Variants in AFF3 observed in about 807,000 individuals in gnomAD.
The protein encoded by AFF3 is ALF transcription elongation factor 3, also known as AF4/FMR2 family member 3.
In AFF3, 32 loss-of-function variants were observed where a neutral mutation model predicts 129.7. The ratio of observed to expected loss-of-function variants is 0.25; its 90% CI spans 0.19 to 0.33. AFF3 has a LOEUF of 0.33. AFF3 is among the 10% of genes least tolerant of loss of function. The pLI is 1.00. For synonymous variants in AFF3, 644 were observed against 635.4 expected, an observed-to-expected ratio of 1.01 and a Z score of -0.20; for missense variants, 1,373 against 1,592.0, an observed-to-expected ratio of 0.86 and a Z score of 2.34.
At chr2:99,986,261 T>C (rs944795802) in intron 7 of AFF3, among the ~76,000 whole-genome samples, 1 of 148,664 alleles carries the variant, frequency 6.7e-6, no homozygotes, top group Admixed American at 6.8e-5. Flanking sequence ...ATGTAGGACA[T>C]GCACTGTGTT....
At chr2:99,632,579 C>T (rs1304376857) in intron 13 of AFF3, among the ~76,000 whole-genome samples, 1 of 152,074 alleles carries the variant, frequency 6.6e-6, no homozygotes, top group African/African-American at 2.4e-5. Flanking sequence ...AAGACCAGAG[C>T]GCCAGGCTTC....
chr2:99,980,323 A>T (rs1281254061), intron 7 of AFF3, among the ~76,000 whole-genome samples: 1 of 152,230 alleles, frequency 6.6e-6, no homozygotes, highest in Non-Finnish European at 1.5e-5. Context: ...GGTGTCAAGG[A>T]GTCCATGTTT....
At chr2:99,936,929 G>A (rs1674574785) in intron 7 of AFF3, among the ~76,000 whole-genome samples, 1 of 152,122 alleles carries the variant, frequency 6.6e-6, no homozygotes, top group Non-Finnish European at 1.5e-5. Context: ...CAGCCTCTCA[G>A]GTCTAATCCC....
intron 8 of AFF3, among the ~76,000 whole-genome samples, chr2:99,799,083 T>C (rs189438909): frequency 6.6e-6 from 1 of 152,118 alleles, no homozygotes; most frequent in East Asian, 1.9e-4. Flanking sequence ...AACTAGTAAA[T>C]ATAACCTGAA....
At chr2:99,701,129 T>C (rs1318488525) in intron 11 of AFF3, among the ~76,000 whole-genome samples, 1 of 152,094 alleles carries the variant, frequency 6.6e-6, no homozygotes, top group Non-Finnish European at 1.5e-5. Flanking sequence ...CTGGGTTAGA[T>C]GGCAAAGTGA....
chr2:99,712,982 A>G (rs1678032677), intron 11 of AFF3, among the ~76,000 whole-genome samples: 1 of 152,236 alleles, frequency 6.6e-6, no homozygotes, highest in South Asian at 2.1e-4. Flanking sequence ...AATAAGCCAG[A>G]CACGCAAGGA....
At chr2:99,936,946 G>A (rs909402440) in intron 7 of AFF3, among the ~76,000 whole-genome samples, 7 of 152,152 alleles carry the variant, frequency 4.6e-5, no homozygotes, top group African/African-American at 1.7e-4. Context: ...TCCCAAGACA[G>A]CTATGGTTTT....
At chr2:99,652,277 C>T (rs1384751220) in intron 12 of AFF3, among the ~76,000 whole-genome samples, 1 of 152,190 alleles carries the variant, frequency 6.6e-6, no homozygotes, top group Non-Finnish European at 1.5e-5. Flanking sequence ...TCAACCGGGG[C>T]ACCCATGACT....
chr2:99,771,455 G>A (rs1048036953), intron 8 of AFF3, among the ~76,000 whole-genome samples: 1 of 151,256 alleles, frequency 6.6e-6, no homozygotes, highest in Non-Finnish European at 1.5e-5. Flanking sequence ...TCAACAGCAT[G>A]CCAGGGAAGA....
At chr2:99,810,958 C>G (rs766139753) in intron 8 of AFF3, among the ~76,000 whole-genome samples, 4 of 152,156 alleles carry the variant, frequency 2.6e-5, no homozygotes, top group Admixed American at 6.5e-5. Context: ...CTTCCTCCCC[C>G]ACATCTAAGG....
chr2:100,107,787 G>A (rs1691368731), intron 2 of AFF3, among the ~76,000 whole-genome samples: 1 of 152,144 alleles, frequency 6.6e-6, no homozygotes. Flanking sequence ...AGTGCTGGAA[G>A]CCTCCTAAAT....
At chr2:99,601,370 C>T (rs913671026) in intron 14 of AFF3, 65 bp downstream of exon 14, 27 of 1,458,348 alleles carry the variant, frequency 1.9e-5, no homozygotes, top group East Asian at 5.0e-5. Context: ...TGACAATGCC[C>T]GGACTTGCTA....
intron 2 of AFF3, among the ~76,000 whole-genome samples, chr2:100,111,306 A>G (rs899245853): frequency 3.9e-5 from 6 of 152,234 alleles, no homozygotes; most frequent in African/African-American, 7.2e-5. Context: ...ATATGCCCCA[A>G]TGGGGGCAGC....
intron 4 of AFF3, among the ~76,000 whole-genome samples, chr2:100,063,252 C>CAAAAAAAAAAAAAAAAAAAAAAAAA: frequency 9.8e-6 from 1 of 101,814 alleles, no homozygotes; most frequent in Non-Finnish European, 1.9e-5. Context: ...AACTCCATCT[C>CAAAAAAAAAAAAAAAAAAAAAAAAA]AAAAAAAAAA....
At chr2:99,886,143 C>T (rs1453217615) in intron 7 of AFF3, among the ~76,000 whole-genome samples, 2 of 152,184 alleles carry the variant, frequency 1.3e-5, no homozygotes, top group Non-Finnish European at 2.9e-5. Context: ...CGTATGTACC[C>T]TCTGCCTCAT....
intron 8 of AFF3, among the ~76,000 whole-genome samples, chr2:99,774,376 A>G (rs1369356449): frequency 6.6e-6 from 1 of 152,222 alleles, no homozygotes; most frequent in African/African-American, 2.4e-5. Context: ...ACAGCATGGT[A>G]CTGGTACAAG....
chr2:99,780,502 T>C (rs963978472), intron 8 of AFF3, among the ~76,000 whole-genome samples: 4 of 152,204 alleles, frequency 2.6e-5, no homozygotes, highest in South Asian at 2.1e-4. Context: ...GATCTCATCC[T>C]GGCCACGTTT....
At chr2:99,750,443 C>T (rs529887237) in intron 9 of AFF3, among the ~76,000 whole-genome samples, 3 of 134,764 alleles carry the variant, frequency 2.2e-5, no homozygotes, top group South Asian at 2.3e-4. Context: ...GAGACAGCGT[C>T]GTGCTCTGTC....
intron 8 of AFF3, among the ~76,000 whole-genome samples, chr2:99,829,990 G>A (rs1023180058): frequency 3.3e-5 from 5 of 152,186 alleles, no homozygotes; most frequent in African/African-American, 1.2e-4. Flanking sequence ...GGACATAGAT[G>A]AAGCCACCAT....
Sources: allele counts gnomAD v4.1 joint callset (sites outside exome capture counted in the v4.1 genomes callset), GRCh38; gene constraint gnomAD v4.1.1; transcripts MANE v1.5; gene names NCBI Gene and HGNC (gene_info 2026-07-23, HGNC 2026-07-21).